Variants in ASMT observed in about 807,000 individuals in gnomAD.
The protein encoded by ASMT is acetylserotonin O-methyltransferase, also known as acetylserotonin N-methyltransferase.
In ASMT, 53 loss-of-function variants were observed where a neutral mutation model predicts 41.3. The ratio of observed to expected loss-of-function variants is 1.28; its 90% CI spans 1.03 to 1.61. The LOEUF is 1.61. Among genes scored for constraint, ASMT ranks in the 40% most tolerant of loss-of-function variants. The pLI is 0.00. For synonymous variants in ASMT, 231 were observed against 184.8 expected, an observed-to-expected ratio of 1.25 and a Z score of -2.03; for missense variants, 531 against 441.3, an observed-to-expected ratio of 1.20 and a Z score of -1.82.
At chrX:1,616,966 C>G (rs1174298705) in intron 1 of ASMT, among the ~76,000 whole-genome samples, 2 of 152,174 alleles carry the variant, frequency 1.3e-5, no homozygotes, top group Middle Eastern at 3.4e-3. Flanking sequence ...CCTCGGCCTC[C>G]CAAAGTGCTG....
At chrX:1,615,614 C>A (rs1274777802) in intron 1 of ASMT, among the ~76,000 whole-genome samples, 19 of 152,016 alleles carry the variant, frequency 1.2e-4, no homozygotes, top group South Asian at 4.2e-4. Flanking sequence ...ACCAGCCTGA[C>A]CCACACAGAG....
intron 8 of ASMT, among the ~76,000 whole-genome samples, chrX:1,640,402 G>A (rs1935100636): frequency 6.4e-5 from 1 of 15,720 alleles, no homozygotes; most frequent in Non-Finnish European, 8.6e-5. Flanking sequence ...AGTGTCCTGT[G>A]AGATCCATCC....
intron 3 of ASMT, among the ~76,000 whole-genome samples, chrX:1,626,072 C>T (rs1407484448): frequency 1.3e-5 from 2 of 151,578 alleles, no homozygotes; most frequent in Admixed American, 6.6e-5. Context: ...TAGACTGTTA[C>T]TGTTTCCTAT....
At chrX:1,634,997 T>C (rs112490885) in intron 7 of ASMT, among the ~76,000 whole-genome samples, 7,531 of 93,728 alleles carry the variant, frequency 0.08, 250 homozygotes, top group Middle Eastern at 0.21. Context: ...TTTTTTGAGA[T>C]GGAGTCTCGC....
intron 1 of ASMT, among the ~76,000 whole-genome samples, chrX:1,618,547 G>C (rs1934221346): frequency 6.6e-6 from 1 of 151,858 alleles, no homozygotes; most frequent in African/African-American, 2.4e-5. Flanking sequence ...CAATCTGCCT[G>C]CCTCAGCCTC....
chrX:1,635,735 G>T (rs1438090360), intron 7 of ASMT, among the ~76,000 whole-genome samples: 2 of 151,594 alleles, frequency 1.3e-5, no homozygotes, highest in African/African-American at 4.8e-5. Flanking sequence ...GGTGGCGGGT[G>T]CCTGTAATCC....
intron 1 of ASMT, among the ~76,000 whole-genome samples, chrX:1,616,039 A>ATT (rs201341633): frequency 2.0e-5 from 3 of 150,670 alleles, no homozygotes; most frequent in Non-Finnish European, 3.0e-5. Flanking sequence ...CCTTTTTTTT[A>ATT]TTTTTTTGAG....
chrX:1,633,713 C>T (rs1934860183), intron 7 of ASMT, among the ~76,000 whole-genome samples: 1 of 150,346 alleles, frequency 6.7e-6, no homozygotes, highest in Non-Finnish European at 1.5e-5. Flanking sequence ...ATCTCGGCTC[C>T]CTTCAAGCTC....
chrX:1,627,938 C>G (rs763894467), intron 4 of ASMT, 167 bp downstream of exon 4: 12 of 462,066 alleles, frequency 2.6e-5, no homozygotes, highest in Non-Finnish European at 4.5e-5. Context: ...TTTTGCTCAT[C>G]TGATGTTTAA....
intron 1 of ASMT, among the ~76,000 whole-genome samples, chrX:1,617,394 C>T (rs765220654): frequency 7.3e-5 from 11 of 151,108 alleles, no homozygotes; most frequent in African/African-American, 1.5e-4. Context: ...TGCTTGAACC[C>T]GGAGGAGGTA....
intron 8 of ASMT, among the ~76,000 whole-genome samples, chrX:1,642,546 T>A (rs761893855): frequency 1.1e-4 from 17 of 151,022 alleles, no homozygotes; most frequent in Admixed American, 9.9e-4. Context: ...AGTTCTCCTG[T>A]GAGGTCCATC....
chrX:1,635,552 C>T (rs1298974954), intron 7 of ASMT, among the ~76,000 whole-genome samples: 2 of 151,876 alleles, frequency 1.3e-5, no homozygotes, highest in African/African-American at 4.8e-5. Context: ...TTGCAGGGGA[C>T]ATCAGAAAGA....
At chrX:1,620,873 G>A (rs1934313041) in intron 1 of ASMT, among the ~76,000 whole-genome samples, 1 of 151,500 alleles carries the variant, frequency 6.6e-6, no homozygotes, top group Non-Finnish European at 1.5e-5. Context: ...TGGCGACAGA[G>A]CGAGACTCTG....
At chrX:1,625,371 C>T (rs1380647515) in intron 3 of ASMT, among the ~76,000 whole-genome samples, 40 of 151,572 alleles carry the variant, frequency 2.6e-4, no homozygotes, top group Non-Finnish European at 5.6e-4. Context: ...TGGCAGGCAC[C>T]TGTAGTCCCA....
chrX:1,615,266 C>T lies in ASMT; in HGVS notation c.67C>T (p.Gln23Ter). The change falls in exon 1 of 9, where the codon CAG becomes TAG. Residue 23 changes from glutamine to a stop codon, truncating the protein, a stop_gained and splice_region_variant. Transcript: ENST00000381241. LOFTEE classifies it high-confidence loss of function. ...CTACGCCAACGGCTTCATGGTGTCC[C>T]AGGTAGGATACGCTCTGTGGGACAA... The part of the protein sequence containing the change: ...NDYANGFMVS[Q>*]VLFAACELGV... 1 of 1,591,410 alleles carries T rather than the reference C, an allele frequency of 6.3e-7. No homozygotes were observed. Among genetic ancestry groups the T allele is most frequent in the Non-Finnish European group, 8.6e-7 (1 of 1,168,932 alleles).
chrX:1,629,839 A>T lies in ASMT; in HGVS notation c.462A>T (p.Leu154=), dbSNP rs141937160. The change falls in exon 5 of 9, where the codon CTA becomes CTT. Residue 154 remains leucine (L), a synonymous_variant. Coordinates refer to ENST00000381241, the MANE Select transcript of ASMT (RefSeq NM_001171038.2). ...ATGCCAGGTCCGAGGGCGAGCGGCTACAGTTCATGCAAGCTCTGCAGGAGG... is the reference window on the plus strand; with the variant it reads ...ATGCCAGGTCCGAGGGCGAGCGGCTTCAGTTCATGCAAGCTCTGCAGGAGG... ...TAIYRSEGER[L]QFMQALQEVW... 3.7e-4 allele frequency: 599 copies of T among 1,613,930 alleles called. 3 individuals are homozygous for T. In the African/African-American group the frequency reaches 7.3e-3, roughly 20 times the overall value.
chrX:1,621,422 A>C (rs1247294760), intron 1 of ASMT, among the ~76,000 whole-genome samples: 1 of 151,560 alleles, frequency 6.6e-6, no homozygotes, highest in African/African-American at 2.4e-5. Context: ...GATTCAAGCA[A>C]TTCTCCTGCC....
rs1218706767 is a variant in ASMT, at chrX:1,624,341, T to A, written c.317T>A (p.Leu106Gln). 1 of 1,613,936 alleles carries A rather than the reference T, an allele frequency of 6.2e-7. No individual in the cohort carries two copies. Among genetic ancestry groups the A allele is most frequent in the South Asian group, 1.1e-5 (1 of 91,080 alleles). ...AGCCCGACGTCACAATGCAGCATGC[T>A]GAAGTACATGGGCAGGACCAGCTAC... ...TVSPTSQCSM[L>Q]KYMGRTSYRC... The change falls in exon 3 of 9, where the codon CTG (leucine) becomes CAG (glutamine). Residue 106 changes from leucine to glutamine, a missense_variant. Transcript: ENST00000381241.
chrX:1,619,857 C>A lies in ASMT; in HGVS notation c.70-3282C>A, dbSNP rs189325430. On this transcript the variant is annotated intron_variant, in intron 1 of 8. Coordinates refer to ENST00000381241, the MANE Select transcript of ASMT (RefSeq NM_001171038.2). ...CTGTAATCTGAGCACTTTGGGAGGC[C>A]GAGGAAGGTGGATCAGGAGGTCAGG... is the stretch of plus-strand genomic sequence containing the variant. 5.5e-3 allele frequency among the ~76,000 whole-genome samples: 823 copies of A among 150,304 alleles called. 7 individuals carry two copies. Among genetic ancestry groups the A allele is most frequent in the African/African-American group, 0.019 (765 of 41,070 alleles).
Sources: gnomAD v4.1 joint callset for allele counts (sites outside exome capture counted in the v4.1 genomes callset) on GRCh38, gnomAD v4.1.1 for gene constraint, MANE v1.5 for transcripts, NCBI Gene and HGNC (gene_info 2026-07-23, HGNC 2026-07-21) for gene names.